SHISA9: variants seen among roughly 807,000 people sequenced by gnomAD.
The protein encoded by SHISA9 is shisa family member 9.
A neutral mutation model predicts 38.0 loss-of-function variants in SHISA9; 13 were observed. The observed-to-expected ratio is 0.34, with a 90% CI of 0.22 to 0.54. SHISA9 has a LOEUF of 0.54. SHISA9 is among the 20% of genes least tolerant of loss of function. SHISA9 has a pLI of 0.91. For synonymous variants in SHISA9, 275 were observed against 242.0 expected, an observed-to-expected ratio of 1.14 and a Z score of -1.27; for missense variants, 538 against 575.8, an observed-to-expected ratio of 0.93 and a Z score of 0.67.
intron 4 of SHISA9, among the ~76,000 whole-genome samples, chr16:13,228,642 T>C (rs1473157905): frequency 2.6e-5 from 4 of 152,174 alleles, no homozygotes; most frequent in African/African-American, 9.7e-5. Flanking sequence ...GTGAGAAAGA[T>C]AGCTTCCACC....
chr16:13,226,042 C>T (rs757570332), intron 4 of SHISA9, among the ~76,000 whole-genome samples: 1 of 152,136 alleles, frequency 6.6e-6, no homozygotes, highest in Admixed American at 6.6e-5. Context: ...TAGGTTAATG[C>T]ATTTATTAAT....
At chr16:13,439,492 TTTTG>T in the SHISA9 span, among the ~76,000 whole-genome samples, 3 of 152,216 alleles carry the variant, frequency 2.0e-5, no homozygotes, top group Non-Finnish European at 4.4e-5. Context: ...TATATACAAT[TTTTG>T]TTTGTCTATT....
chr16:13,189,550 G>A (rs940263288), intron 2 of SHISA9, among the ~76,000 whole-genome samples: 4 of 152,166 alleles, frequency 2.6e-5, no homozygotes, highest in African/African-American at 9.7e-5. Context: ...TTTTTACGTG[G>A]TTAATGTGCC....
chr16:13,428,455 A>T, the SHISA9 span, among the ~76,000 whole-genome samples: 1 of 152,204 alleles, frequency 6.6e-6, no homozygotes, highest in African/African-American at 2.4e-5. Context: ...TGGGTTTTAT[A>T]GACACAAACT....
chr16:12,980,898 T>G lies in SHISA9; in HGVS notation c.691+64083T>G, dbSNP rs534532415. On this transcript the variant is annotated intron_variant, in intron 2 of 4. Transcript: ENST00000558583. ...TATTTTTCATGCCTGATATTTTAAA[T>G]TGGTTCTTTTAAATATTTTCTTATT... 3.3e-5 allele frequency among the ~76,000 whole-genome samples: 5 copies of G among 152,336 alleles called. No individual in the cohort carries two copies. In the South Asian group the frequency reaches 1.0e-3, roughly 32 times the overall value.
intron 2 of SHISA9, among the ~76,000 whole-genome samples, chr16:12,986,929 A>G (rs2072318410): frequency 6.6e-6 from 1 of 152,232 alleles, no homozygotes; most frequent in South Asian, 2.1e-4. Flanking sequence ...ATGACAGGGT[A>G]CTTCTTCCTC....
At chr16:13,430,497 T>C in the SHISA9 span, among the ~76,000 whole-genome samples, 1 of 152,182 alleles carries the variant, frequency 6.6e-6, no homozygotes, top group Non-Finnish European at 1.5e-5. Flanking sequence ...CACCAAGTTG[T>C]TTGCCCCTGG....
chr16:13,546,692 G>T, the SHISA9 span, among the ~76,000 whole-genome samples: 3 of 152,030 alleles, frequency 2.0e-5, no homozygotes, highest in Non-Finnish European at 4.4e-5. Context: ...CTGACCTGTG[G>T]GCCAAATCCA....
At chr16:13,264,317 G>T in the SHISA9 span, among the ~76,000 whole-genome samples, 1 of 152,136 alleles carries the variant, frequency 6.6e-6, no homozygotes, top group Non-Finnish European at 1.5e-5. Flanking sequence ...TGGGATTACA[G>T]GTGGACGCCA....
chr16:13,309,345 TTAAAA>T, the SHISA9 span, among the ~76,000 whole-genome samples: 10 of 152,116 alleles, frequency 6.6e-5, no homozygotes, highest in South Asian at 2.1e-3. Context: ...ACCCTGGAAC[TTAAAA>T]TAAAAGTTGA....
At chr16:13,147,994 C>A (rs2050462426) in intron 2 of SHISA9, among the ~76,000 whole-genome samples, 1 of 152,138 alleles carries the variant, frequency 6.6e-6, no homozygotes, top group African/African-American at 2.4e-5. Context: ...TTCTGGAGAA[C>A]ACTTCTAATA....
At chr16:13,407,603 A>G in the SHISA9 span, among the ~76,000 whole-genome samples, 4 of 152,166 alleles carry the variant, frequency 2.6e-5, no homozygotes, top group Admixed American at 2.0e-4. Context: ...TTTTGACAGT[A>G]GAGTGTTTCA....
downstream of SHISA9, among the ~76,000 whole-genome samples, chr16:13,241,045 C>G (rs573020122): frequency 6.6e-6 from 1 of 152,308 alleles, no homozygotes; most frequent in East Asian, 1.9e-4. Context: ...TGCAGGGAAA[C>G]TTTGGGAGAC....
At chr16:13,539,350 T>TAC in the SHISA9 span, among the ~76,000 whole-genome samples, 36 of 65,972 alleles carry the variant, frequency 5.5e-4, 3 homozygotes, top group African/African-American at 1.8e-3. Flanking sequence ...TATAAAGATA[T>TAC]ATATATATAA....
At chr16:13,012,562 G>A (rs1223502207) in intron 2 of SHISA9, among the ~76,000 whole-genome samples, 1 of 152,154 alleles carries the variant, frequency 6.6e-6, no homozygotes, top group Non-Finnish European at 1.5e-5. Flanking sequence ...AATAAATAAT[G>A]AGAAACTTCT....
chr16:13,324,110 G>T, the SHISA9 span, among the ~76,000 whole-genome samples: 1 of 152,188 alleles, frequency 6.6e-6, no homozygotes, highest in African/African-American at 2.4e-5. Flanking sequence ...CTTCTGCAAT[G>T]ATTGCAAGCT....
chr16:13,556,053 A>T, the SHISA9 span, among the ~76,000 whole-genome samples: 1 of 152,212 alleles, frequency 6.6e-6, no homozygotes, highest in Non-Finnish European at 1.5e-5. Flanking sequence ...GAGATGAGCT[A>T]TGCAAAGCAC....
chr16:13,126,745 G>A (rs1246572514), intron 2 of SHISA9, among the ~76,000 whole-genome samples: 10 of 148,726 alleles, frequency 6.7e-5, no homozygotes, highest in Non-Finnish European at 1.0e-4. Context: ...GAGTGACTGA[G>A]GGAAGAAGAG....
In SHISA9 at chr16:13,203,747, ATGTC is replaced by A. The variant is rs2051030713; in HGVS notation, c.847+204_847+207del. 2.0e-5 allele frequency among the ~76,000 whole-genome samples: 3 copies of A among 151,764 alleles called. No individual in the cohort carries two copies. In the South Asian group the frequency reaches 6.3e-4, roughly 32 times the overall value. On this transcript the variant is annotated intron_variant, in intron 3 of 4. Coordinates refer to ENST00000558583, the MANE Select transcript of SHISA9 (RefSeq NM_001145204.3). ...AATATGTATATCTATATATCTATCT[ATGTC>A]TGTCTATGCATTCATTCATCCATCC... is the stretch of plus-strand genomic sequence containing the variant.
Sources: gnomAD v4.1 joint callset for allele counts (sites outside exome capture counted in the v4.1 genomes callset) on GRCh38, gnomAD v4.1.1 for gene constraint, MANE v1.5 for transcripts, NCBI Gene and HGNC (gene_info 2026-07-23, HGNC 2026-07-21) for gene names.